DYSF: variants seen among roughly 807,000 people sequenced by gnomAD.
DYSF encodes the protein dystrophy-associated fer-1-like 1.
A neutral mutation model predicts 274.9 loss-of-function variants in DYSF; 212 were observed. The ratio of observed to expected loss-of-function variants is 0.77; its 90% CI spans 0.69 to 0.86. DYSF has a LOEUF of 0.86. DYSF is among the 40% of genes least tolerant of loss of function. DYSF has a pLI of 0.00. For missense variants in DYSF, 2,666 were observed against 2,783.2 expected (o/e 0.96, Z 0.95); for synonymous variants, 1,091 against 1,078.7 (o/e 1.01, Z -0.22).
intron 44 of DYSF, among the ~76,000 whole-genome samples, chr2:71,659,516 C>A (rs113090774): frequency 1.2e-3 from 189 of 152,130 alleles, no homozygotes; most frequent in African/African-American, 4.2e-3. Context: ...ATGGCAGAGT[C>A]CCAGGTAAAA....
At position 71,503,270 on chromosome 2, in the gene DYSF, C is replaced by T. The variant is rs1339720914; in HGVS notation, c.296C>T (p.Ser99Phe). 1.9e-6 allele frequency: 3 copies of T among 1,614,152 alleles called. No homozygotes were observed. Among genetic ancestry groups the T allele is most frequent in the Admixed American group, 1.7e-5 (1 of 60,022 alleles). ...GAGGTCCTCGCCACCCCTAGTCTGT[C>T]CGCCAGCTTCAATGCCCCCCTGCTG... ...LREVLATPSLSASFNAPLLDT... is the reference protein window; with the variant it reads ...LREVLATPSLFASFNAPLLDT... The change falls in exon 4 of 56, where the codon TCC becomes TTC. Residue 99 changes from serine (S) to phenylalanine (F), a missense_variant. By Grantham distance (155) the Ser-to-Phe change is radical. Around this residue, in one of 3 missense-constraint regions of DYSF, gnomAD observed 794 missense variants for 777.1 expected, o/e 1.02. Transcript: ENST00000410020.
rs770883682 is a variant in DYSF at position 71,570,674 on chromosome 2, C to T, written c.3161C>T (p.Thr1054Ile). The change falls in exon 29 of 56, where the codon ACA becomes ATA. Residue 1054 changes from threonine (T) to isoleucine (I), a missense_variant. Physicochemically the swap from Thr to Ile is moderately conservative, Grantham distance 89 (BLOSUM62 -1). Around this residue, in one of 3 missense-constraint regions of DYSF, gnomAD observed 1,460 missense variants for 1,502.1 expected, o/e 0.97. Coordinates refer to ENST00000410020, the MANE Select transcript of DYSF (RefSeq NM_001130987.2). ...HWVPAEKMYYTHRRRRWVRLR... is the reference protein window; with the variant it reads ...HWVPAEKMYYIHRRRRWVRLR... ...GTCCCTGCTGAGAAGATGTACTACA[C>T]ACACCGACGGCGGCGCTGGGTGCGC... The T allele has an allele frequency of 3.1e-6, 5 of 1,613,988 alleles. No individual in the cohort carries two copies. Among genetic ancestry groups the T allele is most frequent in the Middle Eastern group, 1.6e-4 (1 of 6,080 alleles).
chr2:71,454,497 C>G (rs2080969035), intron 1 of DYSF, among the ~76,000 whole-genome samples: 1 of 152,334 alleles, frequency 6.6e-6, no homozygotes, highest in South Asian at 2.1e-4. Flanking sequence ...TCTTCCCGCC[C>G]CGATCTGCGC....
chr2:71,669,120 T>C lies in DYSF; in HGVS notation c.5555T>C (p.Leu1852Pro). 2.5e-6 allele frequency: 4 copies of C among 1,601,028 alleles called. No individual in the cohort carries two copies. The highest frequency in any genetic ancestry group is 3.4e-6 in the Non-Finnish European group (4 of 1,173,568). The change falls in exon 50 of 56, where the codon CTG (leucine) becomes CCG (proline). Residue 1852 changes from leucine (L) to proline (P), a missense_variant. By Grantham distance (98) the Leu-to-Pro change is moderately conservative. This residue lies in a region of DYSF where 1,460 missense variants were observed against 1,502.1 expected (regional missense o/e 0.97). Transcript: ENST00000410020. ...GTGATACCTTTCCCCAGGTTTTTCC[T>C]GCGTTGTATTATCTGGAATACCAGA... is the stretch of plus-strand genomic sequence containing the variant. ...ITPRRARRFF[L>P]RCIIWNTRDV...
intron 40 of DYSF, among the ~76,000 whole-genome samples, chr2:71,617,761 G>GT (rs1377641330): frequency 1.2e-5 from 1 of 83,454 alleles, no homozygotes; most frequent in Non-Finnish European, 2.5e-5. Context: ...GGGTAGAGGT[G>GT]GTGTGTGTGG....
At chr2:71,456,778 C>T (rs1014336132) in intron 1 of DYSF, among the ~76,000 whole-genome samples, 2 of 152,106 alleles carry the variant, frequency 1.3e-5, no homozygotes, top group African/African-American at 4.8e-5. Flanking sequence ...AGCATCCCCA[C>T]CCCCAACCCC....
At chr2:71,682,383 A>G in intron 54 of DYSF, 147 bp from the exon 55 acceptor site, 1 of 965,400 alleles carries the variant, frequency 1.0e-6, no homozygotes, top group South Asian at 1.3e-5. Flanking sequence ...TGCAAGGTGC[A>G]AAGGGCTAGT....
rs778088008 is a variant in DYSF, at chr2:71,589,649, C to T, written c.3459C>T (p.Phe1153=). ...CCATGTCCGTCTCCACCTTGAGCTT[C>T]GGTGTGAACAGACCCACGATTTCCT... is the stretch of plus-strand genomic sequence containing the variant. ...EDSMSVSTLS[F]GVNRPTISCI... The change falls in exon 31 of 56, where the codon TTC becomes TTT. Residue 1153 remains phenylalanine, a synonymous_variant. Coordinates refer to ENST00000410020, the MANE Select transcript of DYSF (RefSeq NM_001130987.2). The T allele has an allele frequency of 1.4e-5, 23 of 1,614,004 alleles. No individual in the cohort carries two copies. The highest frequency in any genetic ancestry group is 2.2e-5 in the South Asian group (2 of 91,072).
exon 1 of DYSF, chr2:71,453,786 C>A: frequency 5.0e-6 from 3 of 599,834 alleles, no homozygotes; most frequent in South Asian, 3.8e-5. Flanking sequence ...TGAGCGCAGC[C>A]GGGGCGGGGA....
chr2:71,560,313 C>T (rs371946325), intron 22 of DYSF, among the ~76,000 whole-genome samples: 2 of 151,148 alleles, frequency 1.3e-5, no homozygotes, highest in South Asian at 2.1e-4. Flanking sequence ...GCTCCCGACC[C>T]GGGCTGGGCG....
upstream of DYSF, among the ~76,000 whole-genome samples, chr2:71,462,970 C>T (rs72896812): frequency 0.014 from 2,059 of 152,308 alleles, 48 homozygotes; most frequent in African/African-American, 0.047. Flanking sequence ...GCTGAGGACT[C>T]CACCTGGAAC....
chr2:71,501,691 G>A (rs1026659943), intron 3 of DYSF, among the ~76,000 whole-genome samples: 14 of 152,128 alleles, frequency 9.2e-5, no homozygotes, highest in African/African-American at 2.4e-4. Flanking sequence ...TTCACTTTGC[G>A]GAATGTCTCC....
chr2:71,556,464 A>G lies in DYSF; in HGVS notation c.2216+393A>G, dbSNP rs1206702049. ...GGTTTCTGTTTAGCTTTCTATTGAC[A>G]TGGCTGATTGTTGACTTCAGGAAAA... On this transcript the variant is annotated intron_variant, in intron 22 of 55. Transcript: ENST00000410020. Among the ~76,000 whole-genome samples, 4 of 152,004 alleles carry G rather than the reference A, an allele frequency of 2.6e-5. No individual in the cohort carries two copies. The South Asian group carries it at 6.2e-4, about 24-fold the overall frequency.
At chr2:71,581,871 G>A (rs888938530) in intron 30 of DYSF, among the ~76,000 whole-genome samples, 6 of 152,052 alleles carry the variant, frequency 3.9e-5, no homozygotes, top group African/African-American at 7.2e-5. Flanking sequence ...TTTATTGGCC[G>A]GTGGCTCACA....
intron 17 of DYSF, among the ~76,000 whole-genome samples, chr2:71,541,145 A>T (rs570527710): frequency 6.6e-6 from 1 of 152,262 alleles, no homozygotes; most frequent in East Asian, 1.9e-4. Context: ...GGCTTTGTAA[A>T]ATTAATTGTA....
chr2:71,466,846 C>A lies in DYSF; in HGVS notation c.4C>A (p.Leu2Met). Residue 2 changes from leucine (L) to methionine (M), a missense_variant, in exon 1 of 56, where the codon CTG becomes ATG. Leu to Met is a conservative substitution (Grantham distance 15, BLOSUM62 2). This residue lies in a region of DYSF where 794 missense variants were observed against 777.1 expected (regional missense o/e 1.02). Transcript: ENST00000410020. MLCCLLVRASNL... is the reference protein window; with the variant it reads MMCCLLVRASNL... ...GTGCCGCCGGGGCTGCCCAGCCATGCTGTGCTGCCTGCTGGTGAGGGCCAG... is the reference window on the plus strand; with the variant it reads ...GTGCCGCCGGGGCTGCCCAGCCATGATGTGCTGCCTGCTGGTGAGGGCCAG... 1 of 1,530,964 alleles carries A rather than the reference C, an allele frequency of 6.5e-7. No homozygotes were observed. The highest frequency in any genetic ancestry group is 8.8e-7 in the Non-Finnish European group (1 of 1,131,754). 94.8% of individuals were successfully genotyped at this position (1,530,964 alleles called of 1,614,324 possible).
chr2:71,471,999 A>G (rs1301931300), intron 1 of DYSF, among the ~76,000 whole-genome samples: 1 of 152,162 alleles, frequency 6.6e-6, no homozygotes, highest in Non-Finnish European at 1.5e-5. Context: ...AAAAAAATCC[A>G]GGGTCATTTT....
At chr2:71,644,922 A>ACT (rs2152925648) in intron 42 of DYSF, among the ~76,000 whole-genome samples, 1 of 152,316 alleles carries the variant, frequency 6.6e-6, no homozygotes, top group South Asian at 2.1e-4. Flanking sequence ...AAACAGGAAA[A>ACT]GTTCCCTTAT....
Position 71,602,757 on chromosome 2 carries a change from T to A in DYSF, c.3928-19T>A, listed in dbSNP as rs1170842396. On this transcript the variant is annotated intron_variant, in intron 35 of 55. Transcript: ENST00000410020. ...CTCACCATCTCCTGGATGTGCCACA[T>A]CCCATGGCTGTGGGCCAGGTGCAGG... 1 of 1,612,446 alleles carries A rather than the reference T, an allele frequency of 6.2e-7. No homozygotes were observed. The highest frequency in any genetic ancestry group is 2.2e-5 in the East Asian group (1 of 44,854).
Sources: allele counts gnomAD v4.1 joint callset (sites outside exome capture counted in the v4.1 genomes callset), GRCh38; gene constraint gnomAD v4.1.1; regional missense constraint gnomAD v4.1.1; transcripts MANE v1.5; gene names NCBI Gene and HGNC (gene_info 2026-07-23, HGNC 2026-07-21).